The following BMPER variants were observed in gnomAD, a reference collection of about 807,000 sequenced individuals.
BMPER encodes the protein BMP binding endothelial regulator, also known as BMP-binding endothelial regulator protein.
In BMPER, 45 loss-of-function variants were observed where a neutral mutation model predicts 87.3. The observed-to-expected ratio is 0.52, with a 90% CI of 0.41 to 0.66. The LOEUF is 0.66. BMPER is among the 30% of genes least tolerant of loss of function. The pLI, the probability that BMPER is intolerant of heterozygous loss-of-function variation, is 0.00. For missense variants in BMPER, 784 were observed against 867.5 expected (o/e 0.90, Z 1.21); for synonymous variants, 326 against 316.2 (o/e 1.03, Z -0.33).
At chr7:33,926,808 C>A (rs763025386) in intron 2 of BMPER, among the ~76,000 whole-genome samples, 2 of 152,242 alleles carry the variant, frequency 1.3e-5, no homozygotes, top group Non-Finnish European at 2.9e-5. Flanking sequence ...GAACTTCTAG[C>A]CAGCTAGAGA....
chr7:33,987,024 C>G (rs1174101415), intron 6 of BMPER, among the ~76,000 whole-genome samples: 1 of 152,048 alleles, frequency 6.6e-6, no homozygotes, highest in African/African-American at 2.4e-5. Context: ...CTTGAGCTTC[C>G]CCTCTTCCAT....
chr7:34,148,480 C>G (rs1266745115), intron 14 of BMPER, among the ~76,000 whole-genome samples: 1 of 152,180 alleles, frequency 6.6e-6, no homozygotes, highest in Admixed American at 6.5e-5. Flanking sequence ...GATATCTGAT[C>G]ACATTTTATT....
At chr7:33,990,708 G>A (rs6955716) in intron 6 of BMPER, among the ~76,000 whole-genome samples, 43,895 of 118,706 alleles carry the variant, frequency 0.37, 8,387 homozygotes, top group East Asian at 0.43. Flanking sequence ...TTCAAAGGGA[G>A]TGCTTCCAGT....
At chr7:33,988,507 T>C (rs548528492) in intron 6 of BMPER, among the ~76,000 whole-genome samples, 3 of 152,196 alleles carry the variant, frequency 2.0e-5, no homozygotes, top group African/African-American at 7.2e-5. Flanking sequence ...CAAGATTTCA[T>C]TTATAACCAA....
Position 33,964,574 on chromosome 7 carries a change from G to T in BMPER, c.320-1905G>T, listed in dbSNP as rs569205545. ...TTATTTGAAGCAGAAAACACTGTTG[G>T]GTTCCTTGCACTGTGGACCATTTAT... On this transcript the variant is annotated intron_variant, in intron 3 of 14. Coordinates refer to ENST00000649409, the MANE Select transcript of BMPER (RefSeq NM_001365308.1). 4.6e-5 allele frequency among the ~76,000 whole-genome samples: 7 copies of T among 152,282 alleles called. No homozygotes were observed. The South Asian group carries it at 8.3e-4, about 18-fold the overall frequency.
rs138276779 is a variant in BMPER at position 34,043,568 on chromosome 7, G to A, written c.577-2738G>A. 4.4e-3 allele frequency among the ~76,000 whole-genome samples: 667 copies of A among 152,252 alleles called. 7 individuals carry two copies. Among genetic ancestry groups the A allele is most frequent in the African/African-American group, 0.014 (599 of 41,542 alleles). On this transcript the variant is annotated intron_variant, in intron 6 of 14. Transcript: ENST00000649409. ...TCTCTATTATATTGGCTTTTAGCTC[G>A]AGTGGGTTGAACTTTATCCTGGATG...
chr7:33,930,582 T>G (rs1784459425), intron 2 of BMPER, among the ~76,000 whole-genome samples: 1 of 152,192 alleles, frequency 6.6e-6, no homozygotes. Context: ...GGATTTCCCC[T>G]GACCGAATGT....
intron 11 of BMPER, among the ~76,000 whole-genome samples, chr7:34,070,536 C>G (rs1474731490): frequency 6.6e-6 from 1 of 152,098 alleles, no homozygotes; most frequent in Non-Finnish European, 1.5e-5. Context: ...TTTGCACACC[C>G]CTGTCAGAAC....
Position 33,935,154 on chromosome 7 carries a change from T to G in BMPER, c.220-2135T>G, listed in dbSNP as rs543201363. Among the ~76,000 whole-genome samples, 8 of 152,260 alleles carry G rather than the reference T, an allele frequency of 5.3e-5. No homozygotes were observed. The South Asian group carries it at 1.7e-3, about 32-fold the overall frequency. ...TAAAAATAAATCTAAGGGCTGTGCC[T>G]TATAGTTAGCCTTGATGCCACCATT... On this transcript the variant is annotated intron_variant, in intron 2 of 14. Coordinates refer to ENST00000649409, the MANE Select transcript of BMPER (RefSeq NM_001365308.1).
At chr7:34,004,185 T>A (rs1344678208) in intron 6 of BMPER, among the ~76,000 whole-genome samples, 1 of 152,156 alleles carries the variant, frequency 6.6e-6, no homozygotes, top group African/African-American at 2.4e-5. Flanking sequence ...GCTGTTGAAC[T>A]CCTGCAGGAA....
chr7:34,035,129 G>A (rs1346991504), intron 6 of BMPER, among the ~76,000 whole-genome samples: 2 of 152,268 alleles, frequency 1.3e-5, no homozygotes, highest in African/African-American at 4.8e-5. Context: ...CCAATACCCA[G>A]GAGCATCATG....
chr7:34,086,030 A>G lies in BMPER; in HGVS notation c.1683A>G (p.Gln561=). 1.9e-6 allele frequency: 3 copies of G among 1,614,112 alleles called. No homozygotes were observed. The highest frequency in any genetic ancestry group is 2.5e-6 in the Non-Finnish European group (3 of 1,180,014). The change falls in exon 13 of 15, where the codon CAA becomes CAG. Residue 561 remains glutamine, a synonymous_variant. Transcript: ENST00000649409. ...AGCTCCGGGCCCATCGAGAATGCCAAAAGCTCAAATCCTGGGAGTTTCAGA... is the reference window on the plus strand; with the variant it reads ...AGCTCCGGGCCCATCGAGAATGCCAGAAGCTCAAATCCTGGGAGTTTCAGA... ...KVKLRAHREC[Q]KLKSWEFQTC... is the part of the protein sequence containing the mutation.
At chr7:34,076,391 C>A (rs1041001854) in intron 11 of BMPER, among the ~76,000 whole-genome samples, 1 of 152,040 alleles carries the variant, frequency 6.6e-6, no homozygotes, top group Non-Finnish European at 1.5e-5. Context: ...AAGGAATAAC[C>A]ACTGTTTTCA....
At chr7:34,057,598 G>A (rs1788318210) in intron 9 of BMPER, among the ~76,000 whole-genome samples, 1 of 152,150 alleles carries the variant, frequency 6.6e-6, no homozygotes, top group Non-Finnish European at 1.5e-5. Flanking sequence ...CAGAACCATG[G>A]CACATCTGGT....
At position 34,051,973 on chromosome 7, in the gene BMPER, A is replaced by G. The variant is rs770775329; in HGVS notation, c.786+3A>G. 2 of 1,608,168 alleles carry G rather than the reference A, an allele frequency of 1.2e-6. No individual in the cohort carries two copies. The highest frequency in any genetic ancestry group is 2.2e-5 in the East Asian group (1 of 44,854). Reference sequence around the variant, plus strand: ...ACTGCACAGCTTGTACCTGCAGGGTAAGGCAGCTCTGAGAGGCTGTGGTCC... The same window carrying G: ...ACTGCACAGCTTGTACCTGCAGGGTGAGGCAGCTCTGAGAGGCTGTGGTCC... On this transcript the variant is annotated splice_donor_region_variant and intron_variant, in intron 8 of 14. Transcript: ENST00000649409.
chr7:34,132,804 TCAGGCTTACCC>T (rs1287159792), intron 13 of BMPER, among the ~76,000 whole-genome samples: 1 of 152,228 alleles, frequency 6.6e-6, no homozygotes, highest in Admixed American at 6.5e-5. Flanking sequence ...AAACTAAGAA[TCAGGCTTACCC>T]CAAGACGTGG....
intron 14 of BMPER, among the ~76,000 whole-genome samples, chr7:34,150,093 T>C (rs185216976): frequency 1.8e-4 from 28 of 152,274 alleles, no homozygotes; most frequent in African/African-American, 6.7e-4. Flanking sequence ...TTAAGGGTAC[T>C]CCTGCAGACG....
chr7:34,122,495 G>A (rs548752012), intron 13 of BMPER, among the ~76,000 whole-genome samples: 1 of 152,280 alleles, frequency 6.6e-6, no homozygotes, highest in African/African-American at 2.4e-5. Context: ...GAGGGACCAG[G>A]GGTTATAGAG....
At chr7:34,103,401 A>G (rs1056438510) in intron 13 of BMPER, among the ~76,000 whole-genome samples, 4 of 152,146 alleles carry the variant, frequency 2.6e-5, no homozygotes, top group Admixed American at 6.5e-5. Flanking sequence ...TCCCGTAACC[A>G]TATGTTTTGA....
Sources: gnomAD v4.1 joint callset for allele counts (sites outside exome capture counted in the v4.1 genomes callset) on GRCh38, gnomAD v4.1.1 for gene constraint, MANE v1.5 for transcripts, NCBI Gene and HGNC (gene_info 2026-07-23, HGNC 2026-07-21) for gene names.